LHCGR: variants seen among roughly 807,000 people sequenced by gnomAD.
LHCGR encodes the protein luteinizing hormone/choriogonadotropin receptor.
Under a neutral mutation model 60.7 loss-of-function variants are expected in LHCGR, and 55 were observed. That is an observed-to-expected ratio of 0.91 (90% CI 0.73 to 1.13). The LOEUF is 1.13. LHCGR is among the 50% of genes most tolerant of loss of function. The pLI is 0.00. For synonymous variants in LHCGR, 337 were observed against 316.5 expected (o/e 1.06, Z -0.69); for missense variants, 862 against 836.0 (o/e 1.03, Z -0.38).
intron 7 of LHCGR, among the ~76,000 whole-genome samples, chr2:48,711,582 T>A (rs4297936): frequency 0.43 from 65,711 of 152,096 alleles, 14,562 homozygotes; most frequent in Middle Eastern, 0.56. Flanking sequence ...TAACAGCTGA[T>A]ATGCTGCTGA....
At chr2:48,745,091 A>T (rs1669637638) in intron 1 of LHCGR, among the ~76,000 whole-genome samples, 3 of 152,242 alleles carry the variant, frequency 2.0e-5, no homozygotes, top group African/African-American at 7.2e-5. Context: ...AAACACATGA[A>T]AAAGTGCTCA....
intron 7 of LHCGR, among the ~76,000 whole-genome samples, chr2:48,711,864 G>T (rs985224728): frequency 7.2e-5 from 11 of 152,124 alleles, no homozygotes; most frequent in African/African-American, 2.7e-4. Context: ...CCTGCTAACA[G>T]ATGAACCTTC....
At chr2:48,694,150 A>G in intron 10 of LHCGR, 74 bp downstream of exon 10, 1 of 928,786 alleles carries the variant, frequency 1.1e-6, no homozygotes, top group Non-Finnish European at 1.7e-6. Context: ...TCAAAAGAAA[A>G]TAATTGATGC....
intron 1 of LHCGR, among the ~76,000 whole-genome samples, chr2:48,745,226 G>C (rs1338104468): frequency 1.3e-5 from 2 of 152,166 alleles, no homozygotes; most frequent in African/African-American, 4.8e-5. Context: ...GGAGAAATAG[G>C]AACACTTTTA....
intron 1 of LHCGR, among the ~76,000 whole-genome samples, chr2:48,754,718 A>G (rs2103762449): frequency 6.6e-6 from 1 of 152,188 alleles, no homozygotes; most frequent in African/African-American, 2.4e-5. Flanking sequence ...TGTAAATAGT[A>G]TTATAAAATA....
chr2:48,749,268 G>C (rs1669848178), intron 1 of LHCGR, among the ~76,000 whole-genome samples: 2 of 152,176 alleles, frequency 1.3e-5, no homozygotes, highest in Admixed American at 1.3e-4. Context: ...GGACCCTGTG[G>C]AGAAGCAGCT....
chr2:48,688,396 G>T lies in LHCGR; in HGVS notation c.1401C>A (p.Thr467=), dbSNP rs1420929166. 6.2e-7 allele frequency: 1 copy of T among 1,614,132 alleles called. No homozygotes were observed. The highest frequency in any genetic ancestry group is 1.1e-5 in the South Asian group (1 of 91,082). Residue 467 remains threonine (T), a synonymous_variant, in exon 11 of 11, where the codon ACC becomes ACA. Coordinates refer to ENST00000294954, the MANE Select transcript of LHCGR (RefSeq NM_000233.4). This position sits in a 1 kb window ranked among gnomAD's most constrained non-coding sequence, Gnocchi z 5.2. ...LTVITLERWH[T]ITYAIHLDQK... is the part of the protein sequence containing the mutation. ...GGTCCAGGTGAATAGCATAGGTGAT[G>T]GTGTGCCATCTTTCTAGAGTGATGA...
At position 48,735,849 on chromosome 2, in the gene LHCGR, G is replaced by A. The variant is rs115872725; in HGVS notation, c.162-4551C>T. On this transcript the variant is annotated intron_variant, in intron 1 of 10. Coordinates refer to ENST00000294954, the MANE Select transcript of LHCGR (RefSeq NM_000233.4). The stretch of plus-strand genomic sequence containing the variant: ...TTGGGTCTGTGTCCACCCAAATCTC[G>A]TGTCAAATTGTAATTCCCAGTGTTG... Among the ~76,000 whole-genome samples, 884 of 152,234 alleles carry A rather than the reference G, an allele frequency of 5.8e-3. 4 individuals carry two copies. Among genetic ancestry groups the A allele is most frequent in the Non-Finnish European group, 9.8e-3 (667 of 68,010 alleles).
intron 7 of LHCGR, among the ~76,000 whole-genome samples, chr2:48,712,112 G>A (rs1668022081): frequency 1.3e-5 from 2 of 151,702 alleles, no homozygotes; most frequent in African/African-American, 4.8e-5. Context: ...CCTAAGTTAT[G>A]CCCAGCTCAA....
intron 7 of LHCGR, among the ~76,000 whole-genome samples, chr2:48,711,061 C>T (rs930671438): frequency 1.3e-5 from 2 of 152,150 alleles, no homozygotes; most frequent in African/African-American, 4.8e-5. Flanking sequence ...GACTTACCAA[C>T]TTAGTTCCTT....
rs541167690 is a variant in LHCGR at position 48,726,862 on chromosome 2, C to T, written c.309-1112G>A. Among the ~76,000 whole-genome samples, 19 of 152,224 alleles carry T rather than the reference C, an allele frequency of 1.2e-4. 1 individual carries two copies. In the South Asian group the frequency reaches 3.9e-3, roughly 32 times the overall value. On this transcript the variant is annotated intron_variant, in intron 3 of 10. Coordinates refer to ENST00000294954, the MANE Select transcript of LHCGR (RefSeq NM_000233.4). Reference sequence around the variant, plus strand: ...GTGTTAACAATAGTTATAATAGTTGCTGAAATTAGGAAGTTGAATGATTTG... The same window carrying T: ...GTGTTAACAATAGTTATAATAGTTGTTGAAATTAGGAAGTTGAATGATTTG...
intron 8 of LHCGR, among the ~76,000 whole-genome samples, chr2:48,699,244 C>G (rs1173410432): frequency 1.3e-5 from 2 of 152,188 alleles, no homozygotes; most frequent in Non-Finnish European, 2.9e-5. Context: ...ATTACTCTCA[C>G]TAAGATCTGA....
At chr2:48,721,184 T>A (rs1668478394) in intron 6 of LHCGR, 1 of 153,476 alleles carries the variant, frequency 6.5e-6, no homozygotes, top group Non-Finnish European at 1.5e-5. Flanking sequence ...TTTTGTGTTC[T>A]TGATATAGAC....
chr2:48,708,745 A>T (rs1667827044), intron 8 of LHCGR: 3 of 617,062 alleles, frequency 4.9e-6, no homozygotes, highest in Non-Finnish European at 8.7e-6. Context: ...GAACCATAAG[A>T]CAAAATTTCT....
chr2:48,697,467 A>C (rs1366871818), intron 9 of LHCGR, among the ~76,000 whole-genome samples: 2 of 152,362 alleles, frequency 1.3e-5, no homozygotes, highest in Non-Finnish European at 2.9e-5. Flanking sequence ...TTTGAAACAT[A>C]GTAAGTGCTC....
At chr2:48,741,467 A>G (rs1669448364) in intron 1 of LHCGR, among the ~76,000 whole-genome samples, 1 of 152,190 alleles carries the variant, frequency 6.6e-6, no homozygotes, top group Admixed American at 6.5e-5. Context: ...CTCAAAGGGA[A>G]GCCCATCAGA....
chr2:48,740,827 A>G (rs1318173308), intron 1 of LHCGR, among the ~76,000 whole-genome samples: 3 of 152,260 alleles, frequency 2.0e-5, no homozygotes, highest in South Asian at 2.1e-4. Context: ...CAGCAACGGA[A>G]CAAAGCTGAC....
intron 1 of LHCGR, among the ~76,000 whole-genome samples, chr2:48,742,735 C>G (rs1052961680): frequency 2.6e-5 from 4 of 152,004 alleles, no homozygotes; most frequent in African/African-American, 9.7e-5. Context: ...CCACAAGAGA[C>G]AGCAGGAAAG....
Position 48,755,532 on chromosome 2 carries a change from G to A in LHCGR, c.140C>T (p.Pro47Leu), listed in dbSNP as rs1572904980. The A allele has an allele frequency of 2.6e-6, 4 of 1,541,428 alleles. No individual in the cohort carries two copies. Among genetic ancestry groups the A allele is most frequent in the Non-Finnish European group, 3.5e-6 (4 of 1,143,968 alleles). The change falls in exon 1 of 11, where the codon CCC becomes CTC. Residue 47 changes from proline (P) to leucine (L), a missense_variant. Physicochemically the swap from Pro to Leu is moderately conservative, Grantham distance 98. Transcript: ENST00000294954. ...VPDGALRCPG[P>L]TAGLTRLSLA... ...TCACAGTCGAGTGAGACCGGCCGTG[G>A]GGCCGGGGCAGCGCAGGGCGCCGTC...
Sources: gnomAD v4.1 joint callset for allele counts (sites outside exome capture counted in the v4.1 genomes callset) on GRCh38, gnomAD v4.1.1 for gene constraint, Gnocchi (gnomAD v3.1) non-coding constraint, MANE v1.5 for transcripts, NCBI Gene and HGNC (gene_info 2026-07-23, HGNC 2026-07-21) for gene names.